CADPS: variants seen among roughly 807,000 people sequenced by gnomAD.
CADPS encodes calcium dependent secretion activator, also known as calcium-dependent secretion activator 1.
CADPS carries 57 observed loss-of-function variants against 167.3 expected under a neutral mutation model. That is an observed-to-expected ratio of 0.34 (90% CI 0.28 to 0.42). The LOEUF is 0.42. Among genes scored for constraint, CADPS ranks in the 20% least tolerant of loss-of-function variants. The pLI is 1.00. For missense variants in CADPS, 1,414 were observed against 1,738.1 expected, an observed-to-expected ratio of 0.81 and a Z score of 3.32; for synonymous variants, 676 against 635.3, an observed-to-expected ratio of 1.06 and a Z score of -0.96.
intron 9 of CADPS, among the ~76,000 whole-genome samples, chr3:62,565,990 TCAGA>T (rs1193286151): frequency 1.3e-5 from 2 of 152,248 alleles, no homozygotes; most frequent in Admixed American, 6.5e-5. Context: ...CTTTGTTTTT[TCAGA>T]CAATTTTCGT....
At chr3:62,567,823 C>T (rs2080547658) in intron 9 of CADPS, among the ~76,000 whole-genome samples, 1 of 152,062 alleles carries the variant, frequency 6.6e-6, no homozygotes, top group Non-Finnish European at 1.5e-5. Context: ...GATCCGCCCT[C>T]CTCAGCTTCT....
At chr3:62,575,126 C>T (rs1252113384) in intron 8 of CADPS, among the ~76,000 whole-genome samples, 1 of 152,124 alleles carries the variant, frequency 6.6e-6, no homozygotes, top group Non-Finnish European at 1.5e-5. Flanking sequence ...AAGAGATTTG[C>T]AAAAACGAAT....
chr3:62,753,449 C>G lies in CADPS; in HGVS notation c.880G>C (p.Ala294Pro). The G allele has an allele frequency of 6.2e-7, 1 of 1,607,198 alleles. No homozygotes were observed. Among genetic ancestry groups the G allele is most frequent in the Non-Finnish European group, 8.5e-7 (1 of 1,174,956 alleles). The change falls in exon 3 of 30, where the codon GCC (alanine) becomes CCC (proline). Residue 294 changes from alanine to proline, a missense_variant. By Grantham distance (27) the Ala-to-Pro change is conservative. Transcript: ENST00000383710. The surrounding 1 kb of genome is among the most constrained non-coding windows in gnomAD (Gnocchi z 4.6). ...GGCGAGAAACACCTTACCTGGCAGG[C>G]ATTGTAAAGGAGCTGATGTTCGAAC... ...KKFEHQLLYN[A>P]CQLDNPDEQA...
chr3:62,647,810 T>C (rs1451869544), intron 5 of CADPS, among the ~76,000 whole-genome samples: 1 of 152,236 alleles, frequency 6.6e-6, no homozygotes, highest in African/African-American at 2.4e-5. Flanking sequence ...TCTCAACCTC[T>C]CTGAGGCTTA....
At chr3:62,819,818 C>T (rs1259590143) in intron 1 of CADPS, among the ~76,000 whole-genome samples, 1 of 152,162 alleles carries the variant, frequency 6.6e-6, no homozygotes, top group Non-Finnish European at 1.5e-5. Flanking sequence ...TAAGTACTGT[C>T]CTGTGATCTC....
chr3:62,527,801 C>G (rs146056270), intron 13 of CADPS, among the ~76,000 whole-genome samples: 8 of 152,160 alleles, frequency 5.3e-5, no homozygotes, highest in Non-Finnish European at 1.2e-4. Context: ...GTTGTGAGAT[C>G]TCAGTGGAAA....
chr3:62,829,870 A>G (rs2074750162), intron 1 of CADPS, among the ~76,000 whole-genome samples: 1 of 152,200 alleles, frequency 6.6e-6, no homozygotes, highest in Non-Finnish European at 1.5e-5. Context: ...GTCAGAGGAT[A>G]TGCTGCATTT....
chr3:62,734,924 TA>T (rs2078690973), intron 3 of CADPS, among the ~76,000 whole-genome samples: 1 of 152,066 alleles, frequency 6.6e-6, no homozygotes, highest in African/African-American at 2.4e-5. Flanking sequence ...TTGTAAAGAG[TA>T]AAATAGTTAC....
chr3:62,652,230 C>G (rs905458384), intron 4 of CADPS, among the ~76,000 whole-genome samples: 3 of 151,884 alleles, frequency 2.0e-5, no homozygotes, highest in African/African-American at 7.3e-5. Flanking sequence ...CACCCAAAGT[C>G]TAACTTAAGT....
chr3:62,791,333 T>C (rs1345412289), intron 1 of CADPS, among the ~76,000 whole-genome samples: 1 of 152,188 alleles, frequency 6.6e-6, no homozygotes, highest in Non-Finnish European at 1.5e-5. Context: ...TAATTTCAAT[T>C]AATTGAAATA....
intron 3 of CADPS, among the ~76,000 whole-genome samples, chr3:62,723,357 G>T (rs922210080): frequency 1.3e-5 from 2 of 152,288 alleles, no homozygotes; most frequent in African/African-American, 4.8e-5. Context: ...AGCTTTTCCA[G>T]TTCAGCGGAC....
chr3:62,404,634 C>T (rs1486540817), intron 28 of CADPS: 1 of 152,120 alleles, frequency 6.6e-6, no homozygotes, highest in African/African-American at 2.4e-5. Context: ...AGCCCAGCCG[C>T]AACAGAGACC....
chr3:62,411,061 C>T (rs1283070417), intron 28 of CADPS, among the ~76,000 whole-genome samples: 2 of 152,066 alleles, frequency 1.3e-5, no homozygotes, highest in Non-Finnish European at 2.9e-5. Flanking sequence ...TATGATTGTG[C>T]CACTGTACTC....
intron 7 of CADPS, among the ~76,000 whole-genome samples, chr3:62,591,205 T>G (rs1353575747): frequency 6.6e-6 from 1 of 152,150 alleles, no homozygotes; most frequent in African/African-American, 2.4e-5. Context: ...GGGTATAAGG[T>G]AGTGAACAAA....
At chr3:62,642,590 C>T (rs2067641483) in intron 6 of CADPS, among the ~76,000 whole-genome samples, 1 of 152,174 alleles carries the variant, frequency 6.6e-6, no homozygotes, top group South Asian at 2.1e-4. Context: ...ACTGCACAAA[C>T]AGGCTCGTTC....
chr3:62,674,502 T>A (rs1184978284), intron 3 of CADPS, among the ~76,000 whole-genome samples: 8 of 152,174 alleles, frequency 5.3e-5, no homozygotes, highest in Non-Finnish European at 7.3e-5. Context: ...GTGAGTTTCA[T>A]CTTGATTAAG....
rs948108217 is a variant in CADPS at position 62,855,352 on chromosome 3, TTC to T, written c.441+19235_441+19236del. On this transcript the variant is annotated intron_variant, in intron 1 of 29. Coordinates refer to ENST00000383710, the MANE Select transcript of CADPS (RefSeq NM_003716.4). ...ATCCTTGATTTTCACTAAATGTAAG[TTC>T]TGATTATTTTTTAAAACACCCCATA... Among the ~76,000 whole-genome samples the T allele has an allele frequency of 1.0e-3, 154 of 152,100 alleles. 1 individual carries two copies. The highest frequency in any genetic ancestry group is 3.4e-3 in the African/African-American group (143 of 41,534).
At chr3:62,510,777 T>C (rs1196515373) in intron 17 of CADPS, among the ~76,000 whole-genome samples, 1 of 152,108 alleles carries the variant, frequency 6.6e-6, no homozygotes, top group Non-Finnish European at 1.5e-5. Flanking sequence ...ATACAGTTGG[T>C]TATGTAGACC....
chr3:62,568,403 A>G (rs189625930), intron 9 of CADPS, among the ~76,000 whole-genome samples: 13 of 152,336 alleles, frequency 8.5e-5, no homozygotes, highest in Middle Eastern at 6.8e-3. Context: ...AGGTGGAAGG[A>G]GGTGGGATAA....
Sources: gnomAD v4.1 joint callset for allele counts (sites outside exome capture counted in the v4.1 genomes callset) on GRCh38, gnomAD v4.1.1 for gene constraint, Gnocchi (gnomAD v3.1) non-coding constraint, MANE v1.5 for transcripts, NCBI Gene and HGNC (gene_info 2026-07-23, HGNC 2026-07-21) for gene names.